Variants in LGR5 observed in about 807,000 individuals in gnomAD.
LGR5 encodes the protein leucine-rich repeat-containing G protein-coupled receptor 5.
A neutral mutation model predicts 76.7 loss-of-function variants in LGR5; 54 were observed. The observed-to-expected ratio is 0.70, with a 90% CI of 0.57 to 0.88. The LOEUF (loss-of-function observed/expected upper bound fraction) is 0.88, where lower values mean the gene tolerates loss of function less well. LGR5 is among the 40% of genes least tolerant of loss of function. The probability of loss-of-function intolerance (pLI) is 0.00; values close to 1 mark genes in which losing one functional copy is unlikely to be tolerated. For synonymous variants in LGR5, 406 were observed against 421.9 expected, an observed-to-expected ratio of 0.96 and a Z score of 0.46; for missense variants, 1,078 against 1,073.3, an observed-to-expected ratio of 1.00 and a Z score of -0.06.
At chr12:71,491,050 T>G (rs1565687026) in intron 1 of LGR5, among the ~76,000 whole-genome samples, 1 of 152,190 alleles carries the variant, frequency 6.6e-6, no homozygotes, top group South Asian at 2.1e-4. Context: ...CTGATCGTTT[T>G]ATAAAGGGCA....
At chr12:71,487,042 C>A (rs1445460889) in intron 1 of LGR5, among the ~76,000 whole-genome samples, 2 of 152,012 alleles carry the variant, frequency 1.3e-5, no homozygotes, top group Admixed American at 1.3e-4. Flanking sequence ...AGGTGGAAAA[C>A]CTTTATATAT....
chr12:71,578,655 C>G (rs1349293488), intron 14 of LGR5, 149 bp from the exon 15 acceptor site: 4 of 678,620 alleles, frequency 5.9e-6, no homozygotes, highest in Non-Finnish European at 9.3e-6. Context: ...AGAGCTAAAC[C>G]AAAATGGTTA....
chr12:71,473,551 A>G (rs1482014200), intron 1 of LGR5, among the ~76,000 whole-genome samples: 1 of 151,992 alleles, frequency 6.6e-6, no homozygotes, highest in Non-Finnish European at 1.5e-5. Context: ...AGGTGGGAGG[A>G]TCCCTTGAAC....
chr12:71,581,630 C>A (rs1278843113), intron 16 of LGR5, among the ~76,000 whole-genome samples: 1 of 152,196 alleles, frequency 6.6e-6, no homozygotes, highest in Non-Finnish European at 1.5e-5. Context: ...CTTGTTCTTG[C>A]TTCAGTTTTT....
intron 11 of LGR5, among the ~76,000 whole-genome samples, chr12:71,569,721 T>G (rs1374772363): frequency 6.6e-6 from 1 of 152,218 alleles, no homozygotes; most frequent in Non-Finnish European, 1.5e-5. Context: ...GAATATAAAT[T>G]AGTTCAACCA....
intron 1 of LGR5, among the ~76,000 whole-genome samples, chr12:71,458,739 T>A (rs1341619098): frequency 6.6e-6 from 1 of 152,146 alleles, no homozygotes; most frequent in Non-Finnish European, 1.5e-5. Context: ...TTAATATTTT[T>A]ATCAACTGCC....
intron 13 of LGR5, 61 bp from the exon 14 acceptor site, chr12:71,577,864 G>A: frequency 5.3e-6 from 6 of 1,133,382 alleles, no homozygotes; most frequent in Non-Finnish European, 8.0e-6. Context: ...AAATGCATAT[G>A]ATAAAACTTC....
At chr12:71,578,751 A>G (rs1592564444) in intron 14 of LGR5, 53 bp from the exon 15 acceptor site, 2 of 1,501,834 alleles carry the variant, frequency 1.3e-6, no homozygotes, top group East Asian at 2.4e-5. Context: ...TTTTAACATA[A>G]ACGTTTTATG....
At chr12:71,470,737 A>G (rs1398464705) in intron 1 of LGR5, among the ~76,000 whole-genome samples, 1 of 152,196 alleles carries the variant, frequency 6.6e-6, no homozygotes, top group Non-Finnish European at 1.5e-5. Flanking sequence ...AACTTTCTGC[A>G]CTGCCTCATG....
chr12:71,507,286 G>T (rs895377172), intron 2 of LGR5, among the ~76,000 whole-genome samples: 1 of 152,070 alleles, frequency 6.6e-6, no homozygotes, highest in Non-Finnish European at 1.5e-5. Flanking sequence ...GTGGAGGGAC[G>T]GTTGGAATTG....
At chr12:71,553,362 C>T (rs1027105527) in intron 5 of LGR5, 74 bp downstream of exon 5, 3 of 1,235,662 alleles carry the variant, frequency 2.4e-6, no homozygotes, top group Non-Finnish European at 3.6e-6. Context: ...AAAATGCTGG[C>T]TCTTCAAAGC....
intron 5 of LGR5, among the ~76,000 whole-genome samples, chr12:71,553,566 T>TCACC (rs1467780770): frequency 1.3e-5 from 2 of 151,858 alleles, no homozygotes; most frequent in Non-Finnish European, 2.9e-5. Context: ...GCACAAGGAG[T>TCACC]CACCGCACTG....
intron 2 of LGR5, among the ~76,000 whole-genome samples, 187 bp downstream of exon 2, chr12:71,504,872 C>T (rs1874782305): frequency 6.6e-6 from 1 of 152,124 alleles, no homozygotes; most frequent in Admixed American, 6.5e-5. Context: ...TTCTGGAAAT[C>T]AACTTATAAA....
rs535921863 is a variant in LGR5, at chr12:71,537,342, G to A, written c.428+2156G>A. Among the ~76,000 whole-genome samples the A allele has an allele frequency of 1.8e-4, 28 of 152,134 alleles. 2 individuals carry two copies. The South Asian group carries it at 5.6e-3, about 31-fold the overall frequency. Reference sequence around the variant, plus strand: ...AACTTAGCTAGGTGTGGTGACATGTGCCCGCAGTCCCAGCTAGTCGGGAGG... The same window carrying A: ...AACTTAGCTAGGTGTGGTGACATGTACCCGCAGTCCCAGCTAGTCGGGAGG... On this transcript the variant is annotated intron_variant, in intron 4 of 17. Transcript: ENST00000266674.
At chr12:71,460,327 T>C (rs1201511842) in intron 1 of LGR5, among the ~76,000 whole-genome samples, 1 of 152,092 alleles carries the variant, frequency 6.6e-6, no homozygotes, top group East Asian at 1.9e-4. Flanking sequence ...AAAAGTTTAG[T>C]GTGGAGAAGT....
chr12:71,513,874 C>T (rs1592504069), intron 2 of LGR5, among the ~76,000 whole-genome samples: 1 of 152,150 alleles, frequency 6.6e-6, no homozygotes, highest in Non-Finnish European at 1.5e-5. Context: ...GCAGTATGGC[C>T]AGCTGCCTTT....
intron 2 of LGR5, among the ~76,000 whole-genome samples, chr12:71,522,910 A>G (rs1875797834): frequency 6.6e-6 from 1 of 152,200 alleles, no homozygotes; most frequent in Admixed American, 6.5e-5. Flanking sequence ...TCAACAGCAC[A>G]AAGCAAGTTA....
intron 1 of LGR5, among the ~76,000 whole-genome samples, chr12:71,457,753 A>G (rs1355161881): frequency 2.0e-5 from 3 of 152,092 alleles, no homozygotes; most frequent in Non-Finnish European, 2.9e-5. Context: ...GTCCTAAAGC[A>G]TTGTTGGTTT....
chr12:71,455,855 G>T (rs766440752), intron 1 of LGR5, among the ~76,000 whole-genome samples: 12 of 152,110 alleles, frequency 7.9e-5, no homozygotes, highest in Non-Finnish European at 1.6e-4. Flanking sequence ...ATATATATGT[G>T]CATATAGATA....
Sources: allele counts gnomAD v4.1 joint callset (sites outside exome capture counted in the v4.1 genomes callset), GRCh38; gene constraint gnomAD v4.1.1; transcripts MANE v1.5; gene names NCBI Gene and HGNC (gene_info 2026-07-23, HGNC 2026-07-21).